SLC41A3: variants seen among roughly 807,000 people sequenced by gnomAD.
The protein encoded by SLC41A3 is solute carrier family 41 member 3.
Under a neutral mutation model 45.4 loss-of-function variants are expected in SLC41A3, and 44 were observed. That is an observed-to-expected ratio of 0.97 (90% CI 0.76 to 1.25). SLC41A3 has a LOEUF of 1.25. Among genes scored for constraint, SLC41A3 ranks in the 50% most tolerant of loss-of-function variants. The pLI is 0.00. For synonymous variants in SLC41A3, 256 were observed against 252.4 expected (o/e 1.01, Z -0.13); for missense variants, 550 against 600.6 (o/e 0.92, Z 0.88).
chr3:126,060,735 T>C (rs1412326287), intron 2 of SLC41A3, among the ~76,000 whole-genome samples: 2 of 152,144 alleles, frequency 1.3e-5, no homozygotes, highest in Non-Finnish European at 2.9e-5. Flanking sequence ...AATAGCTCAG[T>C]AGCACAGCAG....
intron 2 of SLC41A3, chr3:126,056,644 C>A: frequency 6.7e-7 from 1 of 1,482,096 alleles, no homozygotes; most frequent in East Asian, 2.4e-5. Context: ...GACGCTGTTC[C>A]CAAGAAGTCC....
chr3:126,038,245 C>T (rs558883706), intron 3 of SLC41A3, among the ~76,000 whole-genome samples: 1 of 152,356 alleles, frequency 6.6e-6, no homozygotes, highest in South Asian at 2.1e-4. Flanking sequence ...CCACACAAAG[C>T]CCCCACTTGG....
At chr3:126,047,037 T>C (rs555755246) in intron 3 of SLC41A3, among the ~76,000 whole-genome samples, 1 of 150,676 alleles carries the variant, frequency 6.6e-6, no homozygotes, top group Non-Finnish European at 1.5e-5. Context: ...TACAATCTCA[T>C]CAAAACCTAA....
chr3:126,009,412 C>T (rs1474582738), intron 9 of SLC41A3, among the ~76,000 whole-genome samples: 1 of 152,226 alleles, frequency 6.6e-6, no homozygotes, highest in African/African-American at 2.4e-5. Flanking sequence ...GCCTCTGTGG[C>T]CCTGTCAGCA....
rs185462429 is a variant in SLC41A3 at position 126,080,189 on chromosome 3, G to A, written c.-28+3904C>T. On this transcript the variant is annotated intron_variant, in intron 1 of 10. Transcript: ENST00000360370. ...TTTGTGTAAGACCTCAAAAACACAG[G>A]CAACCAAAGCAAAAATAGACAAATG... Among the ~76,000 whole-genome samples, 8 of 152,104 alleles carry A rather than the reference G, an allele frequency of 5.3e-5. No homozygotes were observed. In the South Asian group the frequency reaches 8.3e-4, roughly 16 times the overall value.
At chr3:126,099,491 C>G (rs1360691021) in intron 1 of SLC41A3, among the ~76,000 whole-genome samples, 1 of 152,092 alleles carries the variant, frequency 6.6e-6, no homozygotes, top group East Asian at 1.9e-4. Flanking sequence ...GCGGGTGGAT[C>G]ACTTGAGGTC....
chr3:126,083,200 A>C (rs1256361291), intron 1 of SLC41A3, among the ~76,000 whole-genome samples: 1 of 152,170 alleles, frequency 6.6e-6, no homozygotes, highest in African/African-American at 2.4e-5. Context: ...CCTGCTAAAG[A>C]CAAGTATGGG....
At chr3:126,023,644 G>A (rs979127059) in intron 5 of SLC41A3, 1 of 152,398 alleles carries the variant, frequency 6.6e-6, no homozygotes, top group African/African-American at 2.4e-5. Context: ...CACGTGCAGT[G>A]GTGGCGGATT....
chr3:126,053,011 C>T (rs1048854188), intron 2 of SLC41A3, among the ~76,000 whole-genome samples: 2 of 152,182 alleles, frequency 1.3e-5, no homozygotes, highest in African/African-American at 4.8e-5. Context: ...CCTTGCCAGA[C>T]GTTGCTATGA....
At chr3:126,040,308 A>T (rs1177760818) in intron 3 of SLC41A3, among the ~76,000 whole-genome samples, 1 of 152,188 alleles carries the variant, frequency 6.6e-6, no homozygotes, top group Non-Finnish European at 1.5e-5. Flanking sequence ...CATTGAGGAG[A>T]TCGTTTTTAA....
chr3:126,036,213 G>A (rs960240528), intron 3 of SLC41A3, among the ~76,000 whole-genome samples: 8 of 152,210 alleles, frequency 5.3e-5, no homozygotes, highest in Non-Finnish European at 7.3e-5. Context: ...GACTCGGGGC[G>A]CCAGCGCCAA....
chr3:126,047,876 CA>C (rs1943067090), intron 3 of SLC41A3, among the ~76,000 whole-genome samples: 1 of 151,892 alleles, frequency 6.6e-6, no homozygotes, highest in South Asian at 2.1e-4. Context: ...GTGACAAAAG[CA>C]AAAATAGATG....
intron 8 of SLC41A3, among the ~76,000 whole-genome samples, chr3:126,013,700 A>G (rs1398112361): frequency 1.3e-5 from 2 of 152,140 alleles, no homozygotes; most frequent in African/African-American, 4.8e-5. Flanking sequence ...TGAAGAAAAG[A>G]CGTTGTCTGC....
intron 2 of SLC41A3, among the ~76,000 whole-genome samples, chr3:126,059,313 A>AGGAAGGAAGGAT (rs1943931720): frequency 7.4e-6 from 1 of 135,478 alleles, no homozygotes; most frequent in Non-Finnish European, 1.6e-5. Context: ...AAAGAAAGGA[A>AGGAAGGAAGGAT]GGATGATCTG....
intron 1 of SLC41A3, among the ~76,000 whole-genome samples, chr3:126,096,423 A>C (rs1361248947): frequency 6.6e-6 from 1 of 151,960 alleles, no homozygotes; most frequent in Non-Finnish European, 1.5e-5. Context: ...AACTGGCCCC[A>C]AAACTGGCCA....
At chr3:126,059,307 A>AAGG (rs1943920791) in intron 2 of SLC41A3, among the ~76,000 whole-genome samples, 103 of 59,414 alleles carry the variant, frequency 1.7e-3, no homozygotes, top group South Asian at 3.4e-3. Flanking sequence ...AGAAAGAAAG[A>AAGG]AAGGAAGGAT....
chr3:126,083,177 A>C (rs1001918469), intron 1 of SLC41A3, among the ~76,000 whole-genome samples: 2 of 152,138 alleles, frequency 1.3e-5, no homozygotes, highest in African/African-American at 4.8e-5. Flanking sequence ...AATGGTCAGA[A>C]CCACGAGGAG....
At chr3:126,086,634 G>C (rs1299375889), upstream of SLC41A3, among the ~76,000 whole-genome samples, 1 of 151,440 alleles carries the variant, frequency 6.6e-6, no homozygotes, top group Non-Finnish European at 1.5e-5. Flanking sequence ...ACTGTCTCTT[G>C]GTACTTTGAG....
intron 5 of SLC41A3, chr3:126,024,144 A>T (rs1941146724): frequency 6.6e-6 from 1 of 152,222 alleles, no homozygotes; most frequent in Non-Finnish European, 1.5e-5. Flanking sequence ...AGCCTCTTCA[A>T]CACTGCCTGG....
Sources: allele counts gnomAD v4.1 joint callset (sites outside exome capture counted in the v4.1 genomes callset), GRCh38; gene constraint gnomAD v4.1.1; transcripts MANE v1.5; gene names NCBI Gene and HGNC (gene_info 2026-07-23, HGNC 2026-07-21).